Variants in THRAP3 observed in about 807,000 individuals in gnomAD.
The protein encoded by THRAP3 is thyroid hormone receptor associated protein 3, also known as thyroid hormone receptor-associated protein 3.
THRAP3 carries 16 observed loss-of-function variants against 101.0 expected under a neutral mutation model. The ratio of observed to expected loss-of-function variants is 0.16; its 90% CI spans 0.11 to 0.24. The LOEUF (loss-of-function observed/expected upper bound fraction) is 0.24, where lower values mean the gene tolerates loss of function less well. Among genes scored for constraint, THRAP3 ranks in the 10% least tolerant of loss-of-function variants. The probability of loss-of-function intolerance (pLI) is 1.00; values close to 1 mark genes in which losing one functional copy is unlikely to be tolerated. For missense variants in THRAP3, 989 were observed against 1,202.7 expected (o/e 0.82, Z 2.63); for synonymous variants, 407 against 422.6 (o/e 0.96, Z 0.45).
At chr1:36,251,437 A>G (rs1362843516) in intron 1 of THRAP3, among the ~76,000 whole-genome samples, 1 of 152,068 alleles carries the variant, frequency 6.6e-6, no homozygotes, top group Non-Finnish European at 1.5e-5. Flanking sequence ...ATCAGTTGGC[A>G]TGTTTGATTC....
At chr1:36,249,253 G>A (rs938159567) in intron 1 of THRAP3, among the ~76,000 whole-genome samples, 9 of 144,454 alleles carry the variant, frequency 6.2e-5, no homozygotes, top group African/African-American at 1.8e-4. Context: ...ATGCAGTGGC[G>A]CAAGCTCCGC....
At chr1:36,299,494 T>G (rs1646003648) in intron 9 of THRAP3, among the ~76,000 whole-genome samples, 1 of 150,078 alleles carries the variant, frequency 6.7e-6, no homozygotes, top group Non-Finnish European at 1.5e-5. Context: ...TTGAGAGTCT[T>G]TTTTTTTTGT....
chr1:36,237,495 G>T (rs1414881400), intron 1 of THRAP3, among the ~76,000 whole-genome samples: 2 of 150,834 alleles, frequency 1.3e-5, no homozygotes, highest in Non-Finnish European at 3.0e-5. Context: ...AAAAGGCTGG[G>T]CGCGATGGCT....
intron 2 of THRAP3, among the ~76,000 whole-genome samples, chr1:36,277,869 C>T (rs1022537925): frequency 1.3e-5 from 2 of 152,058 alleles, no homozygotes; most frequent in Non-Finnish European, 2.9e-5. Context: ...AGTCGATTCT[C>T]CTGCCTCAGC....
At chr1:36,210,108 T>C in the THRAP3 span, among the ~76,000 whole-genome samples, 1 of 152,154 alleles carries the variant, frequency 6.6e-6, no homozygotes, top group Admixed American at 6.6e-5. Flanking sequence ...GGCTCACGCC[T>C]GTAATCCCAG....
intron 2 of THRAP3, among the ~76,000 whole-genome samples, chr1:36,265,979 C>CCCCGTCTG (rs1203185071): frequency 6.6e-6 from 1 of 151,726 alleles, no homozygotes; most frequent in Non-Finnish European, 1.5e-5. Context: ...CATGGTGAGA[C>CCCCGTCTG]CCCGTCTGTA....
intron 2 of THRAP3, among the ~76,000 whole-genome samples, chr1:36,278,825 A>C (rs905610257): frequency 6.6e-6 from 1 of 152,108 alleles, no homozygotes; most frequent in Non-Finnish European, 1.5e-5. Context: ...TGGGAAGCTG[A>C]GGCAGGAGAA....
intron 2 of THRAP3, among the ~76,000 whole-genome samples, chr1:36,265,236 TTTATTA>T (rs1248408839): frequency 1.3e-5 from 2 of 152,190 alleles, no homozygotes; most frequent in Non-Finnish European, 2.9e-5. Context: ...AGTATGAAAC[TTTATTA>T]TTAACTAAAG....
At chr1:36,232,220 G>T (rs1003159657) in intron 1 of THRAP3, among the ~76,000 whole-genome samples, 2 of 151,934 alleles carry the variant, frequency 1.3e-5, no homozygotes, top group Non-Finnish European at 2.9e-5. Context: ...ATCTCGAAAA[G>T]AAAAAAGTTA....
chr1:36,235,002 C>T (rs970152708), intron 1 of THRAP3, among the ~76,000 whole-genome samples: 11 of 151,866 alleles, frequency 7.2e-5, no homozygotes, highest in Non-Finnish European at 8.8e-5. Context: ...TTAGTAGATT[C>T]GGGGTTTCGC....
intron 4 of THRAP3, chr1:36,287,934 A>G (rs1645816561): frequency 8.1e-6 from 8 of 984,968 alleles, no homozygotes; most frequent in South Asian, 4.7e-5. Context: ...GAGAGGTTAC[A>G]GGGAAGTTGC....
intron 1 of THRAP3, among the ~76,000 whole-genome samples, chr1:36,257,822 G>A (rs962734674): frequency 2.0e-5 from 3 of 152,090 alleles, no homozygotes; most frequent in African/African-American, 7.2e-5. Context: ...AGGGAAAGAT[G>A]GATGTATTGG....
rs115127057 is a variant in THRAP3, at chr1:36,228,688, G to A, written c.-135+4183G>A. ...GACATTACATCCTTAATCTATGGCC[G>A]GTGGACTCCAGGGAGCCCATGAACT... On this transcript the variant is annotated intron_variant, in intron 1 of 11. Coordinates refer to ENST00000354618, the MANE Select transcript of THRAP3 (RefSeq NM_005119.4). Among the ~76,000 whole-genome samples the A allele has an allele frequency of 8.7e-3, 1,319 of 152,276 alleles. 15 individuals are homozygous for A. Among genetic ancestry groups the A allele is most frequent in the African/African-American group, 0.03 (1,260 of 41,556 alleles).
intron 1 of THRAP3, among the ~76,000 whole-genome samples, chr1:36,229,943 C>T (rs546570029): frequency 1.4e-4 from 20 of 138,470 alleles, no homozygotes; most frequent in East Asian, 1.1e-3. Context: ...TGAGCCATCG[C>T]GCCCAGCCTT....
chr1:36,274,076 TCACACACACACACACA>T (rs763330875), intron 2 of THRAP3, among the ~76,000 whole-genome samples: 19 of 44,744 alleles, frequency 4.2e-4, no homozygotes, highest in African/African-American at 8.0e-4. Flanking sequence ...TGTGTGTGTG[TCACACACACACACACA>T]CACACACACA....
intron 2 of THRAP3, among the ~76,000 whole-genome samples, chr1:36,263,873 C>G (rs1325435172): frequency 2.0e-5 from 3 of 152,158 alleles, no homozygotes; most frequent in African/African-American, 4.8e-5. Flanking sequence ...CATCCAGCAT[C>G]GAAGAGATTT....
intron 2 of THRAP3, among the ~76,000 whole-genome samples, chr1:36,269,250 CCAAA>C (rs1159720246): frequency 2.6e-5 from 4 of 152,100 alleles, no homozygotes; most frequent in Admixed American, 6.6e-5. Context: ...TCTGCAGATG[CCAAA>C]CAAACAGTTG....
At chr1:36,295,053 G>A (rs142285067) in intron 8 of THRAP3, among the ~76,000 whole-genome samples, 3,680 of 152,030 alleles carry the variant, frequency 0.024, 152 homozygotes, top group African/African-American at 0.083. Flanking sequence ...GTGAAACCCC[G>A]TCTCTACTAA....
At chr1:36,243,490 G>A (rs1645189456) in intron 1 of THRAP3, among the ~76,000 whole-genome samples, 2 of 152,106 alleles carry the variant, frequency 1.3e-5, no homozygotes, top group Admixed American at 6.5e-5. Context: ...TACAGCACAT[G>A]TTTCAGAGAG....
Sources: gnomAD v4.1 joint callset for allele counts (sites outside exome capture counted in the v4.1 genomes callset) on GRCh38, gnomAD v4.1.1 for gene constraint, MANE v1.5 for transcripts, NCBI Gene and HGNC (gene_info 2026-07-23, HGNC 2026-07-21) for gene names.